The following FHIT variants were observed in gnomAD, a reference collection of about 807,000 sequenced individuals.
The protein encoded by FHIT is bis(5'-adenosyl)-triphosphatase.
Under a neutral mutation model 17.9 loss-of-function variants are expected in FHIT, and 19 were observed. The observed-to-expected ratio is 1.06, with a 90% CI of 0.74 to 1.56. The LOEUF is 1.56. Among genes scored for constraint, FHIT ranks in the 40% most tolerant of loss-of-function variants. The probability of loss-of-function intolerance (pLI) is 0.00; values close to 1 mark genes in which losing one functional copy is unlikely to be tolerated. For synonymous variants in FHIT, 81 were observed against 69.7 expected, an observed-to-expected ratio of 1.16 and a Z score of -0.81; for missense variants, 248 against 189.2, an observed-to-expected ratio of 1.31 and a Z score of -1.82.
At chr3:60,379,245 C>T (rs2736826) in intron 5 of FHIT, among the ~76,000 whole-genome samples, 105,235 of 151,872 alleles carry the variant, frequency 0.69, 36,745 homozygotes, top group African/African-American at 0.79. Context: ...AATTTAAATA[C>T]ATCCTTCCAT....
At chr3:60,399,179 G>A (rs191757981) in intron 5 of FHIT, among the ~76,000 whole-genome samples, 24 of 152,244 alleles carry the variant, frequency 1.6e-4, no homozygotes, top group Admixed American at 7.2e-4. Flanking sequence ...CCTATAAAAA[G>A]TTTCCTCTTA....
At chr3:60,120,483 G>T (rs1013511173) in intron 5 of FHIT, among the ~76,000 whole-genome samples, 1 of 152,306 alleles carries the variant, frequency 6.6e-6, no homozygotes, top group East Asian at 1.9e-4. Context: ...TGCTGATGAA[G>T]CACAATCTTC....
intron 5 of FHIT, among the ~76,000 whole-genome samples, chr3:60,311,926 G>A (rs1392250332): frequency 6.6e-6 from 1 of 151,772 alleles, no homozygotes; most frequent in Non-Finnish European, 1.5e-5. Flanking sequence ...CAAGACCTAA[G>A]GAAGAAAAAA....
intron 5 of FHIT, among the ~76,000 whole-genome samples, chr3:60,364,062 C>A (rs1375651253): frequency 6.6e-6 from 1 of 152,190 alleles, no homozygotes; most frequent in African/African-American, 2.4e-5. Flanking sequence ...TCCCTGCACC[C>A]AGCCCACAAC....
At chr3:60,447,438 A>G (rs753208090) in intron 5 of FHIT, among the ~76,000 whole-genome samples, 3 of 152,200 alleles carry the variant, frequency 2.0e-5, no homozygotes, top group African/African-American at 7.2e-5. Context: ...TTCAAATATG[A>G]TAATACACAT....
intron 4 of FHIT, among the ~76,000 whole-genome samples, chr3:60,813,734 T>C (rs1701644153): frequency 6.6e-6 from 1 of 152,212 alleles, no homozygotes; most frequent in South Asian, 2.1e-4. Context: ...CAAAAAATTC[T>C]AGATTTGAAA....
At chr3:60,420,072 C>T (rs1479557233) in intron 5 of FHIT, among the ~76,000 whole-genome samples, 1 of 152,076 alleles carries the variant, frequency 6.6e-6, no homozygotes, top group African/African-American at 2.4e-5. Flanking sequence ...TGCTTTATTT[C>T]TTATTCTCTC....
chr3:60,130,784 G>GTATATACACACATATATGTGTGT (rs148356992), intron 5 of FHIT, among the ~76,000 whole-genome samples: 8 of 111,628 alleles, frequency 7.2e-5, no homozygotes, highest in South Asian at 2.7e-4. Context: ...GTGTGTGTGT[G>GTATATACACACATATATGTGTGT]GTGTGTATAT....
chr3:60,168,030 T>C (rs566427374), intron 5 of FHIT, among the ~76,000 whole-genome samples: 16 of 152,276 alleles, frequency 1.1e-4, no homozygotes, highest in Admixed American at 2.0e-4. Context: ...TCTCAATAAG[T>C]AAGTAAATAA....
intron 3 of FHIT, among the ~76,000 whole-genome samples, chr3:60,939,008 T>G (rs1451359459): frequency 6.6e-6 from 1 of 152,206 alleles, no homozygotes; most frequent in Non-Finnish European, 1.5e-5. Context: ...TCAGTCTGTT[T>G]CTATGTATAC....
At position 60,918,771 on chromosome 3, in the gene FHIT, T is replaced by C. The variant is rs1364906931; in HGVS notation, c.-110-96760A>G. Among the ~76,000 whole-genome samples the C allele has an allele frequency of 3.3e-5, 5 of 152,200 alleles. No individual in the cohort carries two copies. The South Asian group carries it at 8.3e-4, about 25-fold the overall frequency. Reference sequence around the variant, plus strand: ...AACCAAAGAATAATAAAGTTATATCTCTTTCCATTTGATTTTAATCTTTCT... The same window carrying C: ...AACCAAAGAATAATAAAGTTATATCCCTTTCCATTTGATTTTAATCTTTCT... On this transcript the variant is annotated intron_variant, in intron 3 of 9. Coordinates refer to ENST00000492590, the MANE Select transcript of FHIT (RefSeq NM_002012.4).
chr3:60,253,759 C>T (rs1447875918), intron 5 of FHIT, among the ~76,000 whole-genome samples: 1 of 152,140 alleles, frequency 6.6e-6, no homozygotes, highest in African/African-American at 2.4e-5. Context: ...GCCAATATGT[C>T]CTCCTTCAAG....
At chr3:60,237,274 T>TTC (rs1704849540) in intron 5 of FHIT, among the ~76,000 whole-genome samples, 1 of 150,406 alleles carries the variant, frequency 6.6e-6, no homozygotes, top group Admixed American at 6.6e-5. Flanking sequence ...TTTTTTTTTT[T>TTC]TTTTTTTGGT....
At chr3:60,118,781 G>GAA (rs1393463515) in intron 5 of FHIT, among the ~76,000 whole-genome samples, 1 of 136,650 alleles carries the variant, frequency 7.3e-6, no homozygotes, top group Non-Finnish European at 1.6e-5. Context: ...CGGCGGGGGG[G>GAA]GGGGGGTGGT....
intron 1 of FHIT, among the ~76,000 whole-genome samples, chr3:61,221,839 C>T (rs1270487037): frequency 2.0e-5 from 3 of 152,218 alleles, no homozygotes; most frequent in Non-Finnish European, 2.9e-5. Flanking sequence ...TTGGGGAAAG[C>T]ACCCTTAAGA....
chr3:60,347,183 A>T (rs923399141), intron 5 of FHIT, among the ~76,000 whole-genome samples: 5 of 152,184 alleles, frequency 3.3e-5, no homozygotes, highest in African/African-American at 1.2e-4. Flanking sequence ...AGTAGTAAAG[A>T]AGAATAGACT....
intron 8 of FHIT, among the ~76,000 whole-genome samples, chr3:59,764,869 C>G: frequency 7.4e-4 from 1 of 1,356 alleles, no homozygotes; most frequent in African/African-American, 9.2e-4. Flanking sequence ...TGCAAACACA[C>G]ACACACACAC....
intron 5 of FHIT, among the ~76,000 whole-genome samples, chr3:60,344,730 G>T (rs1710690233): frequency 2.0e-5 from 3 of 152,032 alleles, no homozygotes. Flanking sequence ...TATCTTTCAA[G>T]ATTTTTTTTT....
At chr3:59,929,645 T>C (rs1167524615) in intron 7 of FHIT, among the ~76,000 whole-genome samples, 2 of 152,078 alleles carry the variant, frequency 1.3e-5, no homozygotes, top group African/African-American at 4.8e-5. Context: ...TCTATGTTTG[T>C]ATAATCACCA....
Sources: allele counts gnomAD v4.1 joint callset (sites outside exome capture counted in the v4.1 genomes callset), GRCh38; gene constraint gnomAD v4.1.1; transcripts MANE v1.5; gene names NCBI Gene and HGNC (gene_info 2026-07-23, HGNC 2026-07-21).